Variants in MARCHF10 observed in about 807,000 individuals in gnomAD.
MARCHF10 encodes membrane associated ring-CH-type finger 10, also known as probable E3 ubiquitin-protein ligase MARCHF10.
A neutral mutation model predicts 76.2 loss-of-function variants in MARCHF10; 64 were observed. That is an observed-to-expected ratio of 0.84 (90% confidence interval 0.69 to 1.03). The LOEUF is 1.03. Among genes scored for constraint, MARCHF10 ranks in the 50% least tolerant of loss-of-function variants. The pLI, the probability that MARCHF10 is intolerant of heterozygous loss-of-function variation, is 0.00. For synonymous variants in MARCHF10, 340 were observed against 357.5 expected (o/e 0.95, Z 0.55); for missense variants, 875 against 958.0 (o/e 0.91, Z 1.14).
intron 2 of MARCHF10, among the ~76,000 whole-genome samples, 188 bp from the exon 3 acceptor site, chr17:62,788,787 G>A (rs2092788991): frequency 1.3e-5 from 2 of 151,594 alleles, no homozygotes; most frequent in African/African-American, 4.8e-5. Flanking sequence ...GGTCAGGCCG[G>A]GCGCGGTGGC....
At chr17:62,728,588 G>A (rs1017609286) in intron 6 of MARCHF10, among the ~76,000 whole-genome samples, 1 of 152,164 alleles carries the variant, frequency 6.6e-6, no homozygotes, top group African/African-American at 2.4e-5. Context: ...TTAACGAAGG[G>A]AGGAGGTAAT....
intron 8 of MARCHF10, among the ~76,000 whole-genome samples, chr17:62,714,649 C>T (rs552617576): frequency 6.6e-6 from 1 of 152,296 alleles, no homozygotes; most frequent in East Asian, 1.9e-4. Flanking sequence ...CATTCAGCCA[C>T]AACTTTTGAA....
intron 3 of MARCHF10, among the ~76,000 whole-genome samples, chr17:62,786,783 T>C (rs1476676803): frequency 6.6e-6 from 1 of 152,146 alleles, no homozygotes; most frequent in Non-Finnish European, 1.5e-5. Flanking sequence ...AACATAAAAC[T>C]TCAAATCCTG....
At chr17:62,795,045 C>A (rs2092960460) in intron 2 of MARCHF10, 1 of 985,122 alleles carries the variant, frequency 1.0e-6, no homozygotes, top group Non-Finnish European at 1.2e-6. Context: ...GGAGGAGAAT[C>A]CCTCACCTCC....
intron 7 of MARCHF10, among the ~76,000 whole-genome samples, chr17:62,723,448 A>T (rs2090590918): frequency 1.3e-5 from 2 of 151,760 alleles, no homozygotes; most frequent in Non-Finnish European, 2.9e-5. Context: ...GCAGTTTCAT[A>T]CCTCCATTCT....
intron 3 of MARCHF10, among the ~76,000 whole-genome samples, chr17:62,767,910 G>C (rs1298733207): frequency 6.6e-6 from 1 of 152,172 alleles, no homozygotes; most frequent in Non-Finnish European, 1.5e-5. Flanking sequence ...CTGCAACTCA[G>C]GAGAAAGGTC....
chr17:62,752,681 A>G (rs13313581), intron 4 of MARCHF10, among the ~76,000 whole-genome samples: 77,918 of 150,222 alleles, frequency 0.52, 21,222 homozygotes, highest in East Asian at 0.71. Flanking sequence ...TGTTGACCAG[A>G]CTGGTCTTGA....
intron 4 of MARCHF10, among the ~76,000 whole-genome samples, chr17:62,747,388 T>A (rs1157153637): frequency 6.6e-6 from 1 of 152,246 alleles, no homozygotes; most frequent in Admixed American, 6.5e-5. Flanking sequence ...CCATGTGTCC[T>A]CTAATCAAGT....
chr17:62,740,049 A>AGTGT lies in MARCHF10; in HGVS notation c.536-2721_536-2718dup, dbSNP rs112894135. On this transcript the variant is annotated intron_variant, in intron 5 of 10. Coordinates refer to ENST00000311269, the MANE Select transcript of MARCHF10 (RefSeq NM_152598.4). ...AAAAATTCAATCAGAGCTTCTCTGC[A>AGTGT]GTGTGTGTGTGTGTGTGTGTGTGTG... Among the ~76,000 whole-genome samples the AGTGT allele has an allele frequency of 4.1e-3, 594 of 145,510 alleles. 2 individuals are homozygous for AGTGT. The highest frequency in any genetic ancestry group is 0.019 in the East Asian group (92 of 4,828).
At chr17:62,750,702 G>C (rs187508882) in intron 4 of MARCHF10, among the ~76,000 whole-genome samples, 1 of 152,196 alleles carries the variant, frequency 6.6e-6, no homozygotes, top group South Asian at 2.1e-4. Flanking sequence ...CAGCGTCACT[G>C]CGGAGTTAAC....
At chr17:62,759,220 C>G (rs1239821686) in intron 4 of MARCHF10, among the ~76,000 whole-genome samples, 1 of 152,168 alleles carries the variant, frequency 6.6e-6, no homozygotes, top group Non-Finnish European at 1.5e-5. Context: ...AACTTGATAC[C>G]TGGGGCCAAA....
chr17:62,795,974 T>C (rs890803246), intron 2 of MARCHF10, among the ~76,000 whole-genome samples: 23 of 151,806 alleles, frequency 1.5e-4, no homozygotes, highest in Admixed American at 1.1e-3. Context: ...ATGAGCTGAG[T>C]TACTGAGGGG....
Position 62,705,590 on chromosome 17 carries a change from A to C in MARCHF10, c.2329-9T>G, listed in dbSNP as rs145502705. 4.6e-4 allele frequency: 746 copies of C among 1,613,622 alleles called. 2 individuals are homozygous for C. The African/African-American group carries it at 8.6e-3, about 19-fold the overall frequency. ...GGGTAATTTCTTGACAACTACAAGAAAGAAGACAATGAGAAATGAATTGTT... is the reference window on the plus strand; with the variant it reads ...GGGTAATTTCTTGACAACTACAAGACAGAAGACAATGAGAAATGAATTGTT... On this transcript the variant is annotated splice_polypyrimidine_tract_variant and intron_variant, in intron 9 of 10. Transcript: ENST00000311269.
At chr17:62,779,754 C>T (rs959478172) in intron 3 of MARCHF10, among the ~76,000 whole-genome samples, 1 of 152,220 alleles carries the variant, frequency 6.6e-6, no homozygotes, top group African/African-American at 2.4e-5. Context: ...TGCTGTGCCA[C>T]AGAACTTTCT....
intron 1 of MARCHF10, among the ~76,000 whole-genome samples, chr17:62,803,473 G>A (rs113243401): frequency 2.8e-4 from 43 of 152,148 alleles, no homozygotes; most frequent in Non-Finnish European, 4.9e-4. Flanking sequence ...AGAGAAAAAG[G>A]AGGAGGAGGT....
chr17:62,781,249 C>G (rs2092653116), intron 3 of MARCHF10, among the ~76,000 whole-genome samples: 1 of 152,120 alleles, frequency 6.6e-6, no homozygotes, highest in Admixed American at 6.5e-5. Flanking sequence ...GCCTCAGAAC[C>G]TTCTCCTCCA....
At chr17:62,771,574 ATTTTTTTT>A (rs1207861655) in intron 3 of MARCHF10, among the ~76,000 whole-genome samples, 1 of 126,276 alleles carries the variant, frequency 7.9e-6, no homozygotes, top group Non-Finnish European at 1.6e-5. Flanking sequence ...GTCAATATCT[ATTTTTTTT>A]TTTTTTTTTT....
chr17:62,763,661 G>T (rs1299761245), intron 3 of MARCHF10, among the ~76,000 whole-genome samples: 1 of 152,000 alleles, frequency 6.6e-6, no homozygotes, highest in Non-Finnish European at 1.5e-5. Context: ...TATTCCTTTG[G>T]GGGACGAAAG....
intron 6 of MARCHF10, among the ~76,000 whole-genome samples, chr17:62,733,345 A>G (rs781355419): frequency 1.2e-4 from 19 of 152,360 alleles, no homozygotes; most frequent in Middle Eastern, 3.4e-3. Flanking sequence ...ACAAATGGTC[A>G]TTTAATATTT....
Sources: allele counts gnomAD v4.1 joint callset (sites outside exome capture counted in the v4.1 genomes callset), GRCh38; gene constraint gnomAD v4.1.1; transcripts MANE v1.5; gene names NCBI Gene and HGNC (gene_info 2026-07-23, HGNC 2026-07-21).